Variants in GABRG3 observed in about 807,000 individuals in gnomAD.
The protein encoded by GABRG3 is gamma-aminobutyric acid receptor subunit gamma-3.
Under a neutral mutation model 48.8 loss-of-function variants are expected in GABRG3, and 25 were observed. The observed-to-expected ratio is 0.51, with a 90% CI of 0.37 to 0.72. The LOEUF is 0.72. GABRG3 is among the 30% of genes least tolerant of loss of function. The pLI is 0.00. For missense variants in GABRG3, 394 were observed against 577.9 expected, an observed-to-expected ratio of 0.68 and a Z score of 3.26; for synonymous variants, 227 against 217.6, an observed-to-expected ratio of 1.04 and a Z score of -0.38.
rs145434242 is a variant in GABRG3 at position 27,308,422 on chromosome 15, T to C, written c.271-18387T>C. ...AATATAAACATATATAAACATGTAA[T>C]GTAAACATACCTGTTTATATAAACA... On this transcript the variant is annotated intron_variant, in intron 3 of 9. Coordinates refer to ENST00000615808, the MANE Select transcript of GABRG3 (RefSeq NM_033223.5). Among the ~76,000 whole-genome samples, 67 of 146,634 alleles carry C rather than the reference T, an allele frequency of 4.6e-4. 2 individuals are homozygous for C. The East Asian group carries it at 0.013, about 28-fold the overall frequency.
chr15:27,297,098 A>G (rs574009950), intron 3 of GABRG3, among the ~76,000 whole-genome samples: 4 of 152,254 alleles, frequency 2.6e-5, no homozygotes, highest in Admixed American at 2.0e-4. Context: ...AGATTTAAAA[A>G]TTTTAAAATA....
At chr15:27,156,312 A>G (rs1309546123) in intron 3 of GABRG3, among the ~76,000 whole-genome samples, 1 of 151,542 alleles carries the variant, frequency 6.6e-6, no homozygotes, top group African/African-American at 2.4e-5. Context: ...AAAAAAAAAA[A>G]AAAAAAAAAG....
At chr15:27,157,800 C>T (rs1898472104) in intron 3 of GABRG3, 1 of 152,346 alleles carries the variant, frequency 6.6e-6, no homozygotes, top group African/African-American at 2.4e-5. Context: ...CAATATAAGA[C>T]TGTGTGCACA....
chr15:27,167,434 G>T (rs1595563009), intron 3 of GABRG3, among the ~76,000 whole-genome samples: 1 of 152,306 alleles, frequency 6.6e-6, no homozygotes, highest in East Asian at 1.9e-4. Flanking sequence ...AAACCAAGAT[G>T]TCCTGGCTGG....
chr15:27,094,970 T>G (rs1897247726), intron 3 of GABRG3, among the ~76,000 whole-genome samples: 1 of 152,206 alleles, frequency 6.6e-6, no homozygotes, highest in African/African-American at 2.4e-5. Flanking sequence ...CATAATTATC[T>G]GTGTCTATAC....
At chr15:27,038,472 G>T (rs1035670198) in intron 3 of GABRG3, among the ~76,000 whole-genome samples, 2 of 152,106 alleles carry the variant, frequency 1.3e-5, no homozygotes, top group Non-Finnish European at 2.9e-5. Flanking sequence ...CTCCTGTCCC[G>T]TGGTAGGTGT....
chr15:27,483,226 C>G (rs898865742), intron 6 of GABRG3: 13 of 152,080 alleles, frequency 8.5e-5, no homozygotes, highest in Non-Finnish European at 1.6e-4. Flanking sequence ...TTCCGAGTGC[C>G]GTGAAGGAAG....
chr15:27,285,267 GTGT>G (rs1218963812), intron 3 of GABRG3, among the ~76,000 whole-genome samples: 8 of 102,592 alleles, frequency 7.8e-5, no homozygotes, highest in African/African-American at 7.9e-5. Context: ...GTGTGTGTGT[GTGT>G]GTGTGTGTGT....
At chr15:27,509,130 G>T (rs1441314881) in intron 6 of GABRG3, among the ~76,000 whole-genome samples, 2 of 152,152 alleles carry the variant, frequency 1.3e-5, no homozygotes, top group Admixed American at 1.3e-4. Flanking sequence ...GAAACTTAAA[G>T]ATTTTATTCC....
At chr15:27,202,283 A>G (rs903133553) in intron 3 of GABRG3, among the ~76,000 whole-genome samples, 2 of 151,894 alleles carry the variant, frequency 1.3e-5, no homozygotes, top group African/African-American at 4.8e-5. Context: ...TTTCTGTTTC[A>G]CTTAACAATA....
At position 27,188,421 on chromosome 15, in the gene GABRG3, A is replaced by G. The variant is rs534342655; in HGVS notation, c.271-138388A>G. 8.5e-5 allele frequency among the ~76,000 whole-genome samples: 13 copies of G among 152,308 alleles called. No individual in the cohort carries two copies. The South Asian group carries it at 2.5e-3, about 29-fold the overall frequency. On this transcript the variant is annotated intron_variant, in intron 3 of 9. Transcript: ENST00000615808. ...CTGACTTTTTCATGATTGCCATTCTAACTGGTGTGAGATGATATCTCATTG... is the reference window on the plus strand; with the variant it reads ...CTGACTTTTTCATGATTGCCATTCTGACTGGTGTGAGATGATATCTCATTG...
intron 3 of GABRG3, among the ~76,000 whole-genome samples, chr15:27,209,141 A>G (rs1040854386): frequency 3.9e-5 from 6 of 152,312 alleles, no homozygotes; most frequent in South Asian, 4.1e-4. Flanking sequence ...GAACATTTGC[A>G]TCATTGTCCT....
At chr15:27,009,651 T>G (rs1225090624) in intron 2 of GABRG3, among the ~76,000 whole-genome samples, 2 of 152,202 alleles carry the variant, frequency 1.3e-5, no homozygotes, top group African/African-American at 4.8e-5. Context: ...GTTCTCATCC[T>G]CAAGGCAATG....
intron 3 of GABRG3, among the ~76,000 whole-genome samples, chr15:27,171,102 C>T (rs1455263295): frequency 1.3e-5 from 2 of 152,176 alleles, no homozygotes; most frequent in Non-Finnish European, 2.9e-5. Flanking sequence ...CAGTGTCTCA[C>T]AGCCATGATG....
At position 27,490,053 on chromosome 15, in the gene GABRG3, G is replaced by A. The variant is rs114371677; in HGVS notation, c.712+9266G>A. The stretch of plus-strand genomic sequence containing the variant: ...TATCTTGAGTTAATTCTTGTTAAAG[G>A]TTGTAAGGAAGGGGTCTATTTTCAG... On this transcript the variant is annotated intron_variant, in intron 6 of 9. Transcript: ENST00000615808. 2.8e-3 allele frequency among the ~76,000 whole-genome samples: 423 copies of A among 152,220 alleles called. 3 individuals are homozygous for A. Among genetic ancestry groups the A allele is most frequent in the African/African-American group, 9.5e-3 (396 of 41,552 alleles).
rs182650933 is a variant in GABRG3 at position 27,319,059 on chromosome 15, C to T, written c.271-7750C>T. Among the ~76,000 whole-genome samples, 88 of 152,260 alleles carry T rather than the reference C, an allele frequency of 5.8e-4. No homozygotes were observed. The highest frequency in any genetic ancestry group is 1.7e-3 in the African/African-American group (72 of 41,548). On this transcript the variant is annotated intron_variant, in intron 3 of 9. Transcript: ENST00000615808. This position sits in a 1 kb window ranked among gnomAD's most constrained non-coding sequence, Gnocchi z 4.4. ...TAAGAGGGTAGATCATAAATGTTCT[C>T]ACCACCATAAAAAAATAAAAGGCAA... is the stretch of plus-strand genomic sequence containing the variant.
At chr15:27,311,907 G>A (rs1470184998) in intron 3 of GABRG3, among the ~76,000 whole-genome samples, 3 of 152,072 alleles carry the variant, frequency 2.0e-5, no homozygotes, top group Non-Finnish European at 4.4e-5. Flanking sequence ...TTTATCTAAT[G>A]TGCAGACAAC....
chr15:27,004,751 A>G (rs1408267029), intron 2 of GABRG3, among the ~76,000 whole-genome samples: 1 of 152,242 alleles, frequency 6.6e-6, no homozygotes, highest in Non-Finnish European at 1.5e-5. Flanking sequence ...AATTTTCATT[A>G]TGATAAACAA....
intron 5 of GABRG3, among the ~76,000 whole-genome samples, chr15:27,454,517 G>A (rs1889205281): frequency 6.6e-6 from 1 of 152,154 alleles, no homozygotes; most frequent in South Asian, 2.1e-4. Flanking sequence ...CAGAGTGAAT[G>A]ATATGGTCCC....
Sources: allele counts gnomAD v4.1 joint callset (sites outside exome capture counted in the v4.1 genomes callset), GRCh38; gene constraint gnomAD v4.1.1; non-coding constraint Gnocchi (gnomAD v3.1); transcripts MANE v1.5; gene names NCBI Gene and HGNC (gene_info 2026-07-23, HGNC 2026-07-21).